Variants in DPP10 observed in about 807,000 individuals in gnomAD.
DPP10 encodes dipeptidyl peptidase like 10, also known as inactive dipeptidyl peptidase 10.
A neutral mutation model predicts 120.9 loss-of-function variants in DPP10; 33 were observed. That is an observed-to-expected ratio of 0.27 (90% confidence interval 0.21 to 0.37). The LOEUF (loss-of-function observed/expected upper bound fraction) is 0.37, where lower values mean the gene tolerates loss of function less well. Ranked by LOEUF, DPP10 falls within the 10% of genes least tolerant of loss-of-function variation. DPP10 has a pLI of 1.00. For synonymous variants in DPP10, 337 were observed against 326.1 expected (o/e 1.03, Z -0.36); for missense variants, 816 against 942.8 (o/e 0.87, Z 1.76).
chr2:115,669,140 C>G (rs2089680472), intron 5 of DPP10, among the ~76,000 whole-genome samples: 1 of 152,020 alleles, frequency 6.6e-6, no homozygotes, highest in Admixed American at 6.6e-5. Context: ...TTGAGTAGGA[C>G]ATTGTAACAA....
chr2:114,611,350 C>A (rs531881766), intron 1 of DPP10, among the ~76,000 whole-genome samples: 1 of 152,118 alleles, frequency 6.6e-6, no homozygotes, highest in African/African-American at 2.4e-5. Flanking sequence ...TTATTTCTTC[C>A]TTTGTAGTGT....
At chr2:115,402,854 A>AT (rs1553584380) in intron 3 of DPP10, among the ~76,000 whole-genome samples, 1,944 of 97,530 alleles carry the variant, frequency 0.02, 34 homozygotes, top group Non-Finnish European at 0.026. Flanking sequence ...AAAAAAAAAA[A>AT]ATATATATAT....
chr2:114,827,160 GT>G (rs1195053222), intron 1 of DPP10, among the ~76,000 whole-genome samples: 1 of 152,090 alleles, frequency 6.6e-6, no homozygotes, highest in African/African-American at 2.4e-5. Context: ...TGCAGATACT[GT>G]TTTGACTCTG....
At chr2:115,051,970 T>A (rs1705521461) in intron 1 of DPP10, among the ~76,000 whole-genome samples, 1 of 152,224 alleles carries the variant, frequency 6.6e-6, no homozygotes, top group African/African-American at 2.4e-5. Flanking sequence ...CAGTTATACT[T>A]GTAAAAGCTG....
At chr2:114,506,342 C>A (rs998560541) in intron 1 of DPP10, among the ~76,000 whole-genome samples, 16 of 152,184 alleles carry the variant, frequency 1.1e-4, no homozygotes, top group African/African-American at 3.4e-4. Flanking sequence ...CTCCTCCATC[C>A]CCTTTCCAGC....
chr2:115,393,266 T>C (rs2067444732), intron 3 of DPP10, among the ~76,000 whole-genome samples: 2 of 151,152 alleles, frequency 1.3e-5, no homozygotes. Flanking sequence ...TTAGCGGAGA[T>C]TGTGCCACTG....
At position 115,088,768 on chromosome 2, in the gene DPP10, A is replaced by C. The variant is rs199503333; in HGVS notation, c.61-220471A>C. Among the ~76,000 whole-genome samples the C allele has an allele frequency of 1.1e-3, 146 of 134,912 alleles. 1 individual carries two copies. The highest frequency in any genetic ancestry group is 3.8e-3 in the East Asian group (17 of 4,462). The allele number at this position is 134,912 out of a possible 152,430, so 88.5% of individuals were successfully genotyped here. A position where few individuals can be genotyped will look rare whatever the true frequency, so the allele number is the denominator to read the frequency against. The stretch of plus-strand genomic sequence containing the variant: ...TGCCTGACAAAAAAAAAAAAAAAAA[A>C]ACCAAAAAACAAAAAAAACCTTAAA... On this transcript the variant is annotated intron_variant, in intron 1 of 25. Coordinates refer to ENST00000410059, the MANE Select transcript of DPP10 (RefSeq NM_020868.6).
chr2:114,657,621 T>A (rs960920916), intron 1 of DPP10, among the ~76,000 whole-genome samples: 9 of 152,200 alleles, frequency 5.9e-5, no homozygotes, highest in African/African-American at 2.2e-4. Context: ...CTAAACATAT[T>A]TGTTTTTACT....
intron 1 of DPP10, among the ~76,000 whole-genome samples, chr2:115,267,564 C>A (rs1475425377): frequency 6.6e-6 from 1 of 152,034 alleles, no homozygotes; most frequent in Non-Finnish European, 1.5e-5. Context: ...CTGCATCGCT[C>A]TCTGTATTCC....
At chr2:115,110,024 C>G (rs2049136373) in intron 1 of DPP10, among the ~76,000 whole-genome samples, 1 of 152,040 alleles carries the variant, frequency 6.6e-6, no homozygotes, top group Non-Finnish European at 1.5e-5. Flanking sequence ...GGTAGTTGGG[C>G]AAAATAAAAT....
At chr2:114,705,676 T>C (rs904007223) in intron 1 of DPP10, among the ~76,000 whole-genome samples, 1 of 152,082 alleles carries the variant, frequency 6.6e-6, no homozygotes, top group Admixed American at 6.6e-5. Flanking sequence ...AACTATTGAA[T>C]GTATAAATGA....
intron 1 of DPP10, among the ~76,000 whole-genome samples, chr2:114,946,738 A>G (rs1289949293): frequency 4.0e-5 from 6 of 151,680 alleles, no homozygotes. Context: ...AAACATAGGG[A>G]ATTTTCTTCT....
intron 1 of DPP10, among the ~76,000 whole-genome samples, chr2:115,267,217 A>AT (rs1212374307): frequency 6.6e-6 from 1 of 152,200 alleles, no homozygotes; most frequent in African/African-American, 2.4e-5. Context: ...TGAGATGTCC[A>AT]TAAGTGCCTC....
At chr2:115,164,646 C>G (rs904129671) in intron 1 of DPP10, among the ~76,000 whole-genome samples, 1 of 152,158 alleles carries the variant, frequency 6.6e-6, no homozygotes, top group Non-Finnish European at 1.5e-5. Context: ...GTCCTGAGGC[C>G]ATCAAACACC....
chr2:115,554,306 A>G (rs2080074683), intron 5 of DPP10, among the ~76,000 whole-genome samples: 1 of 151,822 alleles, frequency 6.6e-6, no homozygotes, highest in Non-Finnish European at 1.5e-5. Context: ...GATAGAGACA[A>G]GAGAATCAAG....
rs138742686 is a variant in DPP10 at position 115,167,352 on chromosome 2, G to T, written c.61-141887G>T. Reference sequence around the variant, plus strand: ...TGAGATAGATGGATTGAGCCTAGGAGTTCTAGACCAGCGTGGGCAACGTAA... The same window carrying T: ...TGAGATAGATGGATTGAGCCTAGGATTTCTAGACCAGCGTGGGCAACGTAA... On this transcript the variant is annotated intron_variant, in intron 1 of 25. Transcript: ENST00000410059. 2.2e-4 allele frequency among the ~76,000 whole-genome samples: 33 copies of T among 151,532 alleles called. 1 individual carries two copies. The East Asian group carries it at 6.0e-3, about 28-fold the overall frequency.
chr2:115,381,933 G>A (rs2066406776), intron 3 of DPP10, among the ~76,000 whole-genome samples: 2 of 152,086 alleles, frequency 1.3e-5, no homozygotes, highest in Non-Finnish European at 2.9e-5. Context: ...GCTGCGTGCT[G>A]GGAGAACCAC....
intron 1 of DPP10, among the ~76,000 whole-genome samples, chr2:114,545,737 C>T (rs1056005282): frequency 6.6e-6 from 1 of 152,168 alleles, no homozygotes; most frequent in Non-Finnish European, 1.5e-5. Flanking sequence ...TACCATTCAA[C>T]ACAGGTTAAG....
At chr2:114,924,902 T>TC (rs1695487503) in intron 1 of DPP10, among the ~76,000 whole-genome samples, 2 of 152,194 alleles carry the variant, frequency 1.3e-5, no homozygotes, top group Non-Finnish European at 2.9e-5. Flanking sequence ...TTCATATGTA[T>TC]ACAGATTACC....
Sources: gnomAD v4.1 joint callset for allele counts (sites outside exome capture counted in the v4.1 genomes callset) on GRCh38, gnomAD v4.1.1 for gene constraint, MANE v1.5 for transcripts, NCBI Gene and HGNC (gene_info 2026-07-23, HGNC 2026-07-21) for gene names.